RANBP17: variants seen among roughly 807,000 people sequenced by gnomAD.
RANBP17 encodes the protein ran-binding protein 17.
RANBP17 carries 158 observed loss-of-function variants against 141.2 expected under a neutral mutation model. The observed-to-expected ratio is 1.12, with a 90% CI of 0.98 to 1.28. The LOEUF (loss-of-function observed/expected upper bound fraction) is 1.28, where lower values mean the gene tolerates loss of function less well. Among genes scored for constraint, RANBP17 ranks in the 50% most tolerant of loss-of-function variants. The pLI is 0.00. For synonymous variants in RANBP17, 430 were observed against 450.0 expected, an observed-to-expected ratio of 0.96 and a Z score of 0.56; for missense variants, 1,438 against 1,290.7, an observed-to-expected ratio of 1.11 and a Z score of -1.75.
intron 14 of RANBP17, among the ~76,000 whole-genome samples, chr5:171,064,636 A>G (rs760033333): frequency 6.6e-6 from 1 of 152,122 alleles, no homozygotes; most frequent in Non-Finnish European, 1.5e-5. Context: ...AGCTGGGACT[A>G]CAGACACATG....
Position 171,299,489 on chromosome 5 carries a change from A to G in RANBP17, c.*631A>G. 1 of 231,782 alleles carries G rather than the reference A, an allele frequency of 4.3e-6. No individual in the cohort carries two copies. Among genetic ancestry groups the G allele is most frequent in the Non-Finnish European group, 8.6e-6 (1 of 116,908 alleles). The allele number at this position is 231,782 out of a possible 1,614,324, so 14.4% of individuals were successfully genotyped here. On this transcript the variant is annotated 3_prime_UTR_variant, in exon 28 of 28. Transcript: ENST00000523189. ...TTGCTTTTCACTGGCATAAATCTGA[A>G]GTGGTTCAGTCTAGAAGAATTAAGC...
intron 14 of RANBP17, among the ~76,000 whole-genome samples, chr5:171,101,408 G>T (rs533864505): frequency 1.3e-5 from 2 of 152,044 alleles, no homozygotes; most frequent in Non-Finnish European, 2.9e-5. Context: ...TATCAAGGGC[G>T]AAGATTGCAA....
At chr5:171,035,309 G>C (rs1781798940) in intron 14 of RANBP17, among the ~76,000 whole-genome samples, 1 of 152,054 alleles carries the variant, frequency 6.6e-6, no homozygotes, top group Admixed American at 6.6e-5. Flanking sequence ...GCAGATAAAG[G>C]GGGAAACATA....
chr5:170,950,722 A>G (rs1299999619), intron 12 of RANBP17, among the ~76,000 whole-genome samples: 1 of 152,186 alleles, frequency 6.6e-6, no homozygotes, highest in Non-Finnish European at 1.5e-5. Context: ...AGCAATCCCA[A>G]TACTGGGCAT....
chr5:171,168,067 T>C (rs568757661), intron 14 of RANBP17, among the ~76,000 whole-genome samples: 113 of 152,262 alleles, frequency 7.4e-4, no homozygotes, highest in African/African-American at 2.6e-3. Context: ...TTGACACATA[T>C]TGCCCTAGGT....
chr5:171,292,331 A>G (rs1023862698), intron 25 of RANBP17, among the ~76,000 whole-genome samples: 3 of 152,234 alleles, frequency 2.0e-5, no homozygotes, highest in East Asian at 1.9e-4. Context: ...TGCTGTTACT[A>G]TATCCCTTAA....
chr5:171,183,358 CAT>C lies in RANBP17; in HGVS notation c.1968_1969del (p.His656GlnfsTer25). 2 of 1,613,984 alleles carry C rather than the reference CAT, an allele frequency of 1.2e-6. No individual in the cohort carries two copies. The highest frequency in any genetic ancestry group is 1.7e-6 in the Non-Finnish European group (2 of 1,179,876). ...HFPFLGISDN[H>X]SLSDFRCRTT... Reference sequence around the variant, plus strand: ...CCCTTTTCTTGGCATCAGTGACAATCATAGTCTCAGCGACTTCAGGTGTCGAA... The same window carrying C: ...CCCTTTTCTTGGCATCAGTGACAATCAGTCTCAGCGACTTCAGGTGTCGAA... On this transcript the variant is annotated frameshift_variant, in exon 18 of 28. Coordinates refer to ENST00000523189, the MANE Select transcript of RANBP17 (RefSeq NM_022897.5). LOFTEE classifies it high-confidence loss of function.
In RANBP17 at chr5:171,265,909, C is replaced by T. The variant is rs1366292; in HGVS notation, c.2943+62C>T. 4,472 of 1,478,196 alleles carry T rather than the reference C, an allele frequency of 3.0e-3. 90 individuals are homozygous for T. In the African/African-American group the frequency reaches 0.049, roughly 16 times the overall value. 91.6% of individuals were successfully genotyped at this position (1,478,196 alleles called of 1,614,324 possible). On this transcript the variant is annotated intron_variant, in intron 25 of 27. Transcript: ENST00000523189. ...TGTTCCCAGAAGCCATACCTGGCCC[C>T]GAATTTATCTTAGAGCAGCTGGTCT...
At position 171,252,281 on chromosome 5, in the gene RANBP17, A is replaced by G. The variant is rs183334754; in HGVS notation, c.2776+9461A>G. On this transcript the variant is annotated intron_variant, in intron 24 of 27. Transcript: ENST00000523189. ...CAAAATGGCCGCTTACCTAATGGTA[A>G]TATTAATAATGAAAATAATAACAGC... 21 of 1,552,182 alleles carry G rather than the reference A, an allele frequency of 1.4e-5. No individual in the cohort carries two copies. In the Admixed American group the frequency reaches 2.9e-4, roughly 22 times the overall value.
At chr5:171,020,039 A>G (rs1780742275) in intron 14 of RANBP17, among the ~76,000 whole-genome samples, 1 of 152,188 alleles carries the variant, frequency 6.6e-6, no homozygotes, top group Non-Finnish European at 1.5e-5. Context: ...CTGAGGAGTT[A>G]TTCAGGAGCA....
chr5:171,038,972 C>T (rs374566870), intron 14 of RANBP17, among the ~76,000 whole-genome samples: 1 of 151,966 alleles, frequency 6.6e-6, no homozygotes, highest in African/African-American at 2.4e-5. Context: ...TTATCCATTC[C>T]ACCATTTATG....
At chr5:171,178,573 C>G (rs1320478142) in intron 16 of RANBP17, among the ~76,000 whole-genome samples, 2 of 152,112 alleles carry the variant, frequency 1.3e-5, no homozygotes, top group Admixed American at 1.3e-4. Context: ...ATTTCTGGTT[C>G]TAGATCCTTG....
intron 3 of RANBP17, among the ~76,000 whole-genome samples, chr5:170,886,987 A>G (rs568806551): frequency 9.2e-5 from 14 of 152,122 alleles, no homozygotes; most frequent in African/African-American, 2.6e-4. Flanking sequence ...AAAAATTGTC[A>G]TAAGTCTCCA....
chr5:171,055,520 G>A lies in RANBP17; in HGVS notation c.1710+87143G>A, dbSNP rs564445185. Reference sequence around the variant, plus strand: ...GCAAGAATAATTAATTTTCACATATGCTTTTTAAATTGGCTTTGATGGAAC... The same window carrying A: ...GCAAGAATAATTAATTTTCACATATACTTTTTAAATTGGCTTTGATGGAAC... On this transcript the variant is annotated intron_variant, in intron 14 of 27. Transcript: ENST00000523189. Among the ~76,000 whole-genome samples, 5 of 152,162 alleles carry A rather than the reference G, an allele frequency of 3.3e-5. No homozygotes were observed. In the East Asian group the frequency reaches 9.7e-4, roughly 29 times the overall value.
chr5:171,118,613 C>T (rs965897170), intron 14 of RANBP17, among the ~76,000 whole-genome samples: 1 of 151,914 alleles, frequency 6.6e-6, no homozygotes, highest in Non-Finnish European at 1.5e-5. Flanking sequence ...ATTTTCAACT[C>T]CTTGGTTAAA....
At chr5:171,137,422 C>G (rs1757357938) in intron 14 of RANBP17, among the ~76,000 whole-genome samples, 1 of 152,128 alleles carries the variant, frequency 6.6e-6, no homozygotes, top group Non-Finnish European at 1.5e-5. Context: ...CAGGGTCTAA[C>G]TCCAGCATTT....
At chr5:171,143,417 CT>C (rs1284150980) in intron 14 of RANBP17, 1 of 152,190 alleles carries the variant, frequency 6.6e-6, no homozygotes, top group Non-Finnish European at 1.5e-5. Context: ...AAACAGAGCA[CT>C]TTAAAGTGCT....
chr5:171,155,251 A>T (rs906774681), intron 14 of RANBP17, among the ~76,000 whole-genome samples: 4 of 151,370 alleles, frequency 2.6e-5, no homozygotes, highest in Non-Finnish European at 4.4e-5. Flanking sequence ...TCCCCCAGCC[A>T]AAAAGAGGAT....
chr5:170,975,264 C>G (rs778933329), intron 14 of RANBP17, among the ~76,000 whole-genome samples: 4 of 152,200 alleles, frequency 2.6e-5, no homozygotes, highest in Non-Finnish European at 5.9e-5. Flanking sequence ...CGTGGTGGCT[C>G]ACACCTGTAA....
Sources: gnomAD v4.1 joint callset for allele counts (sites outside exome capture counted in the v4.1 genomes callset) on GRCh38, gnomAD v4.1.1 for gene constraint, MANE v1.5 for transcripts, NCBI Gene and HGNC (gene_info 2026-07-23, HGNC 2026-07-21) for gene names.